DNAH2: variants seen among roughly 807,000 people sequenced by gnomAD.
The protein encoded by DNAH2 is axonemal beta dynein heavy chain 2.
In DNAH2, 323 loss-of-function variants were observed where a neutral mutation model predicts 523.5. The observed-to-expected ratio is 0.62, with a 90% CI of 0.56 to 0.68. DNAH2 has a LOEUF of 0.68. Among genes scored for constraint, DNAH2 ranks in the 30% least tolerant of loss-of-function variants. The pLI is 0.00. For synonymous variants in DNAH2, 2,093 were observed against 2,177.4 expected, an observed-to-expected ratio of 0.96 and a Z score of 1.08; for missense variants, 4,907 against 5,701.5, an observed-to-expected ratio of 0.86 and a Z score of 4.49.
intron 49 of DNAH2, among the ~76,000 whole-genome samples, chr17:7,795,812 C>CA (rs1218839079): frequency 5.4e-5 from 8 of 147,716 alleles, no homozygotes; most frequent in Non-Finnish European, 1.2e-4. Flanking sequence ...GCCTGACCAC[C>CA]ATGGAGAAAC....
chr17:7,819,090 C>G, intron 71 of DNAH2, 27 bp downstream of exon 71: 1 of 1,600,550 alleles, frequency 6.2e-7, no homozygotes, highest in Non-Finnish European at 8.5e-7. Flanking sequence ...CCAGTCCTGC[C>G]TCCCACCAGC....
In DNAH2 at chr17:7,771,382, T is replaced by C; in HGVS notation, c.4415T>C (p.Leu1472Ser). 1 of 1,614,072 alleles carries C rather than the reference T, an allele frequency of 6.2e-7. No individual in the cohort carries two copies. The highest frequency in any genetic ancestry group is 2.2e-5 in the East Asian group (1 of 44,874). The change falls in exon 28 of 86, where the codon TTA becomes TCA. Residue 1472 changes from leucine to serine, a missense_variant. Coordinates refer to ENST00000572933, the MANE Select transcript of DNAH2 (RefSeq NM_020877.5). ...AAGCAGCTGCCCAATGAATCGACCT[T>C]ATTTGACCAGGTCAACAGCAACTGG... Reference protein sequence around the residue: ...IRKQLPNESTLFDQVNSNWKA... With the variant: ...IRKQLPNESTSFDQVNSNWKA...
Position 7,824,527 on chromosome 17 carries a change from C to G in DNAH2, c.11663-10C>G. The G allele has an allele frequency of 6.5e-7, 1 of 1,532,954 alleles. No individual in the cohort carries two copies. Among genetic ancestry groups the G allele is most frequent in the South Asian group, 1.2e-5 (1 of 81,542 alleles). The allele number at this position is 1,532,954 out of a possible 1,614,324, so 95.0% of individuals were successfully genotyped here. On this transcript the variant is annotated splice_polypyrimidine_tract_variant and intron_variant, in intron 76 of 85. Coordinates refer to ENST00000572933, the MANE Select transcript of DNAH2 (RefSeq NM_020877.5). Reference sequence around the variant, plus strand: ...AAATGATTCCCACTGACCCTGGCATCTCCTTGCAGGACACTGGGTGTTCCT... The same window carrying G: ...AAATGATTCCCACTGACCCTGGCATGTCCTTGCAGGACACTGGGTGTTCCT...
rs539491504 is a variant in DNAH2, at chr17:7,733,095, C to G, written c.408C>G (p.Asn136Lys). The change falls in exon 5 of 86, where the codon AAC becomes AAG. Residue 136 changes from asparagine (N) to lysine (K), a missense_variant. By Grantham distance (94) the Asn-to-Lys change is moderately conservative (BLOSUM62 0). Around this residue, in one of 3 missense-constraint regions of DNAH2, gnomAD observed 2,806 missense variants for 3,190.8 expected, o/e 0.88. Coordinates refer to ENST00000572933, the MANE Select transcript of DNAH2 (RefSeq NM_020877.5). ...LELGMPVQTQ[N>K]QLVYFIRQAP... The stretch of plus-strand genomic sequence containing the variant: ...TGCTGTCTTCCATGCAGACCCAGAA[C>G]CAGCTTGTCTACTTCATTCGCCAAG... 1.2e-6 allele frequency: 2 copies of G among 1,614,112 alleles called. No individual in the cohort carries two copies. The highest frequency in any genetic ancestry group is 2.2e-5 in the East Asian group (1 of 44,888).
chr17:7,754,729 G>C lies in DNAH2; in HGVS notation c.1905-2362G>C, dbSNP rs532639884. 2 of 1,105,494 alleles carry C rather than the reference G, an allele frequency of 1.8e-6. No individual in the cohort carries two copies. The highest frequency in any genetic ancestry group is 2.4e-5 in the East Asian group (1 of 42,234). 68.5% of individuals were successfully genotyped at this position (1,105,494 alleles called of 1,614,324 possible). A position where few individuals can be genotyped will look rare whatever the true frequency, so the allele number is the denominator to read the frequency against. Reference sequence around the variant, plus strand: ...CTTGCTCGTGCCCGCATGGCCAAGGGGCTCAGGCTGTGCCGGCCCAAGGCC... The same window carrying C: ...CTTGCTCGTGCCCGCATGGCCAAGGCGCTCAGGCTGTGCCGGCCCAAGGCC... On this transcript the variant is annotated intron_variant, in intron 12 of 85. Transcript: ENST00000572933. The surrounding 1 kb of genome is among the most constrained non-coding windows in gnomAD (Gnocchi z 4.6).
At chr17:7,777,698 C>T in intron 33 of DNAH2, 64 bp downstream of exon 33, 1 of 1,581,232 alleles carries the variant, frequency 6.3e-7, no homozygotes, top group Non-Finnish European at 8.6e-7. Flanking sequence ...TTTATTGCAT[C>T]CATGTTCTGT....
Position 7,759,557 on chromosome 17 carries a change from C to T in DNAH2, c.2584C>T (p.Leu862Phe), listed in dbSNP as rs2075946988. 4 of 1,614,254 alleles carry T rather than the reference C, an allele frequency of 2.5e-6. No individual in the cohort carries two copies. The East Asian group carries it at 8.9e-5, about 36-fold the overall frequency. ...NGDGKTSPNP[L>F]FQVLVILKND... The stretch of plus-strand genomic sequence containing the variant: ...GGATGGAAAGACCAGCCCAAACCCA[C>T]TCTTCCAAGTCCTTGTCATTTTGAA... Residue 862 changes from leucine (L) to phenylalanine (F), a missense_variant, in exon 16 of 86, where the codon CTC (leucine) becomes TTC (phenylalanine). Physicochemically the swap from Leu to Phe is conservative, Grantham distance 22. Transcript: ENST00000572933.
intron 44 of DNAH2, among the ~76,000 whole-genome samples, chr17:7,791,702 C>G (rs965236344): frequency 1.3e-5 from 2 of 152,172 alleles, no homozygotes; most frequent in Non-Finnish European, 2.9e-5. Flanking sequence ...AGTGAGGAAG[C>G]TCAGGGCAAC....
chr17:7,792,222 T>C, intron 45 of DNAH2, 30 bp from the exon 46 acceptor site: 1 of 1,610,182 alleles, frequency 6.2e-7, no homozygotes, highest in Non-Finnish European at 8.5e-7. Flanking sequence ...AAGGAAGGCT[T>C]TGGTAACCTG....
In DNAH2 at chr17:7,818,114, A is replaced by G. The variant is rs766838822; in HGVS notation, c.10387+18A>G. 2 of 1,609,170 alleles carry G rather than the reference A, an allele frequency of 1.2e-6. No individual in the cohort carries two copies. Among genetic ancestry groups the G allele is most frequent in the South Asian group, 2.2e-5 (2 of 91,084 alleles). The stretch of plus-strand genomic sequence containing the variant: ...CCGAATCGGTCAGGACAAGTCCCCA[A>G]GACCAGCCAAGTGGGATGCTAGGGA... On this transcript the variant is annotated intron_variant, in intron 68 of 85. Coordinates refer to ENST00000572933, the MANE Select transcript of DNAH2 (RefSeq NM_020877.5).
intron 12 of DNAH2, among the ~76,000 whole-genome samples, chr17:7,752,942 A>C (rs1489335137): frequency 2.0e-5 from 3 of 152,122 alleles, no homozygotes; most frequent in Non-Finnish European, 4.4e-5. Context: ...CAGAAAATGC[A>C]TCCACACTGG....
chr17:7,743,453 C>A, intron 12 of DNAH2: 1 of 666,880 alleles, frequency 1.5e-6, no homozygotes, highest in Non-Finnish European at 2.7e-6. Context: ...ATCGCTTGAG[C>A]CCAGGAGTTT....
chr17:7,748,797 C>T (rs967630031), intron 12 of DNAH2, among the ~76,000 whole-genome samples: 6 of 151,508 alleles, frequency 4.0e-5, no homozygotes, highest in African/African-American at 9.7e-5. Context: ...TGCCCAGCCT[C>T]GCCACACAGA....
chr17:7,734,636 C>T lies in DNAH2; in HGVS notation c.906C>T (p.His302=), dbSNP rs573517965. The T allele has an allele frequency of 1.7e-5, 28 of 1,613,140 alleles. No homozygotes were observed. The highest frequency in any genetic ancestry group is 1.3e-4 in the South Asian group (12 of 90,928). The change falls in exon 7 of 86, where the codon CAC becomes CAT. Residue 302 remains histidine, a synonymous_variant. Coordinates refer to ENST00000572933, the MANE Select transcript of DNAH2 (RefSeq NM_020877.5). The part of the protein sequence containing the change: ...SKQLVKKGVK[H]VESILHLAKS... ...AGCTGGTGAAGAAGGGAGTGAAGCA[C>T]GTTGAATCCATCCTGCACCTTGCCA...
intron 13 of DNAH2, 28 bp from the exon 14 acceptor site, chr17:7,758,467 C>G: frequency 6.2e-7 from 1 of 1,603,434 alleles, no homozygotes; most frequent in Non-Finnish European, 8.5e-7. Flanking sequence ...CTTGTCCCCT[C>G]TGGATACCAG....
intron 31 of DNAH2, 58 bp from the exon 32 acceptor site, chr17:7,776,721 T>C: frequency 7.2e-7 from 1 of 1,392,154 alleles, no homozygotes; most frequent in Admixed American, 1.8e-5. Flanking sequence ...ACTTGGGAGC[T>C]GGGCTGTGCG....
chr17:7,787,172 A>C, intron 42 of DNAH2, 139 bp downstream of exon 42: 5 of 1,093,536 alleles, frequency 4.6e-6, no homozygotes, highest in Non-Finnish European at 6.4e-6. Context: ...GCCTGGATTC[A>C]GGGAAACCTG....
chr17:7,762,404 C>T (rs1031089845), intron 18 of DNAH2, among the ~76,000 whole-genome samples: 1 of 146,442 alleles, frequency 6.8e-6, no homozygotes, highest in African/African-American at 2.5e-5. Flanking sequence ...GGCGCCATCT[C>T]TGCTCACCGC....
In DNAH2 at chr17:7,817,939, T is replaced by C; in HGVS notation, c.10237-7T>C. The C allele has an allele frequency of 6.2e-7, 1 of 1,613,736 alleles. No homozygotes were observed. The highest frequency in any genetic ancestry group is 8.5e-7 in the Non-Finnish European group (1 of 1,179,894). On this transcript the variant is annotated splice_polypyrimidine_tract_variant and splice_region_variant and intron_variant, in intron 67 of 85. Coordinates refer to ENST00000572933, the MANE Select transcript of DNAH2 (RefSeq NM_020877.5). ...AGTGTTCCTTCACCTTCCCCCTTGC[T>C]CTCTAGGGCCTGAAGATCATCGACC...
Sources: gnomAD v4.1 joint callset for allele counts (sites outside exome capture counted in the v4.1 genomes callset) on GRCh38, gnomAD v4.1.1 for gene constraint, gnomAD v4.1.1 regional missense constraint, Gnocchi (gnomAD v3.1) non-coding constraint, MANE v1.5 for transcripts, NCBI Gene and HGNC (gene_info 2026-07-23, HGNC 2026-07-21) for gene names.